Variants in RSRC1 observed in about 807,000 individuals in gnomAD.
The protein encoded by RSRC1 is arginine and serine rich coiled-coil 1.
Under a neutral mutation model 49.1 loss-of-function variants are expected in RSRC1, and 39 were observed. That is an observed-to-expected ratio of 0.79 (90% CI 0.61 to 1.04). RSRC1 has a LOEUF of 1.04. Ranked by LOEUF, RSRC1 falls within the 50% of genes least tolerant of loss-of-function variation. The probability of loss-of-function intolerance (pLI) is 0.00; values close to 1 mark genes in which losing one functional copy is unlikely to be tolerated. For synonymous variants in RSRC1, 143 were observed against 130.8 expected (o/e 1.09, Z -0.63); for missense variants, 388 against 402.4 (o/e 0.96, Z 0.31).
intron 7 of RSRC1, among the ~76,000 whole-genome samples, chr3:158,531,084 C>A (rs1712374021): frequency 6.7e-6 from 1 of 149,932 alleles, no homozygotes; most frequent in African/African-American, 2.5e-5. Flanking sequence ...TGTTTATTGA[C>A]TGCTTACTAG....
At chr3:158,538,319 G>A (rs1428345926) in intron 8 of RSRC1, among the ~76,000 whole-genome samples, 1 of 151,802 alleles carries the variant, frequency 6.6e-6, no homozygotes, top group Non-Finnish European at 1.5e-5. Context: ...TCCTTGCGTT[G>A]CCATTTTGTT....
At chr3:158,405,810 G>C (rs911850384) in intron 6 of RSRC1, among the ~76,000 whole-genome samples, 1 of 152,216 alleles carries the variant, frequency 6.6e-6, no homozygotes, top group Middle Eastern at 3.4e-3. Context: ...GCATTTGCTA[G>C]ATCGAGTAGC....
chr3:158,152,299 C>G (rs1455312059), intron 3 of RSRC1, among the ~76,000 whole-genome samples: 1 of 152,178 alleles, frequency 6.6e-6, no homozygotes, highest in East Asian at 1.9e-4. Context: ...GGTGACCAAC[C>G]ATCTTGGCTT....
chr3:158,302,525 G>A (rs1207793653), intron 5 of RSRC1, among the ~76,000 whole-genome samples: 1 of 148,824 alleles, frequency 6.7e-6, no homozygotes, highest in East Asian at 2.0e-4. Context: ...GGTTGAAGGA[G>A]TGGAGGTGGG....
At chr3:158,333,007 C>T (rs1192887977) in intron 5 of RSRC1, among the ~76,000 whole-genome samples, 5 of 141,020 alleles carry the variant, frequency 3.5e-5, no homozygotes, top group Admixed American at 7.6e-5. Flanking sequence ...CTCGCTCTTT[C>T]GCCCAGGCCG....
intron 5 of RSRC1, among the ~76,000 whole-genome samples, chr3:158,353,609 T>C (rs1448389132): frequency 2.0e-5 from 3 of 152,222 alleles, no homozygotes; most frequent in Non-Finnish European, 4.4e-5. Flanking sequence ...TTCCATCTTG[T>C]TTCCTATAGG....
intron 7 of RSRC1, chr3:158,497,053 T>C (rs1008255824): frequency 2.6e-4 from 39 of 152,262 alleles, no homozygotes; most frequent in African/African-American, 8.9e-4. Context: ...TTTTTAATTG[T>C]GGTAAAATAA....
intron 7 of RSRC1, among the ~76,000 whole-genome samples, chr3:158,475,743 TC>T (rs1243965968): frequency 1.4e-4 from 21 of 152,122 alleles, no homozygotes; most frequent in Middle Eastern, 3.4e-3. Flanking sequence ...TCTCTCTCTC[TC>T]TCCCTGGCCT....
rs1737523103 is a variant in RSRC1, at chr3:158,459,779, G to T, written c.584-1156G>T. Among the ~76,000 whole-genome samples, 3 of 151,990 alleles carry T rather than the reference G, an allele frequency of 2.0e-5. No homozygotes were observed. The South Asian group carries it at 6.2e-4, about 31-fold the overall frequency. On this transcript the variant is annotated intron_variant, in intron 6 of 9. Coordinates refer to ENST00000611884, the MANE Select transcript of RSRC1 (RefSeq NM_001271838.2). ...GCAGTCTAAGTATATATAAAAGCTT[G>T]TAAATGGAAACAGATGTCTGTGTAA...
At chr3:158,159,555 G>A (rs1718090441) in intron 3 of RSRC1, among the ~76,000 whole-genome samples, 2 of 152,070 alleles carry the variant, frequency 1.3e-5, no homozygotes, top group African/African-American at 4.8e-5. Flanking sequence ...TTCAAGCCCT[G>A]AAAACCCAAT....
intron 9 of RSRC1, 84 bp downstream of exon 9, chr3:158,543,571 C>G: frequency 7.4e-7 from 1 of 1,356,024 alleles, no homozygotes; most frequent in South Asian, 1.5e-5. Flanking sequence ...GTGCTAACAC[C>G]AAGGAGACCA....
At chr3:158,299,050 G>A (rs573197548) in intron 5 of RSRC1, among the ~76,000 whole-genome samples, 9 of 152,198 alleles carry the variant, frequency 5.9e-5, no homozygotes, top group East Asian at 1.9e-4. Flanking sequence ...CTAAAAATTA[G>A]AGATTAATTA....
chr3:158,542,268 C>T (rs1055117316), intron 8 of RSRC1, among the ~76,000 whole-genome samples: 9 of 152,110 alleles, frequency 5.9e-5, no homozygotes, highest in Admixed American at 5.2e-4. Flanking sequence ...CGGTGGCTCA[C>T]GCCTGTAATC....
intron 4 of RSRC1, among the ~76,000 whole-genome samples, chr3:158,236,078 T>G (rs1212792228): frequency 2.6e-5 from 4 of 151,432 alleles, no homozygotes; most frequent in African/African-American, 9.7e-5. Context: ...ATTGTGCCCT[T>G]GCACTCCAGC....
chr3:158,354,838 T>G lies in RSRC1; in HGVS notation c.532-19T>G. 1.3e-6 allele frequency: 2 copies of G among 1,538,112 alleles called. No individual in the cohort carries two copies. The highest frequency in any genetic ancestry group is 1.7e-6 in the Non-Finnish European group (2 of 1,143,810). ...GTAAAAGTCTTGTATGGTTGAATTT[T>G]TTTTTTTTTCTTTTTTAGCCACCAG... is the stretch of plus-strand genomic sequence containing the variant. On this transcript the variant is annotated intron_variant, in intron 5 of 9. Transcript: ENST00000611884.
At chr3:158,319,266 T>A (rs1245281566) in intron 5 of RSRC1, among the ~76,000 whole-genome samples, 2 of 152,068 alleles carry the variant, frequency 1.3e-5, no homozygotes, top group African/African-American at 4.8e-5. Flanking sequence ...TATCATGAAA[T>A]CGGATAGTTT....
chr3:158,471,099 G>C (rs1032667499), intron 7 of RSRC1, among the ~76,000 whole-genome samples: 7 of 152,202 alleles, frequency 4.6e-5, no homozygotes, highest in Non-Finnish European at 7.3e-5. Context: ...TGAAATGCTG[G>C]CCCTAGCCCC....
At chr3:158,401,250 C>G (rs1374829371) in intron 6 of RSRC1, among the ~76,000 whole-genome samples, 1 of 151,962 alleles carries the variant, frequency 6.6e-6, no homozygotes, top group Non-Finnish European at 1.5e-5. Context: ...GCAGAGATGT[C>G]TGATGATTCT....
chr3:158,475,589 A>T (rs776370713), intron 7 of RSRC1, among the ~76,000 whole-genome samples: 1 of 152,098 alleles, frequency 6.6e-6, no homozygotes, highest in Non-Finnish European at 1.5e-5. Flanking sequence ...TGTCATTGTG[A>T]TGACTGATCA....
Sources: allele counts gnomAD v4.1 joint callset (sites outside exome capture counted in the v4.1 genomes callset), GRCh38; gene constraint gnomAD v4.1.1; transcripts MANE v1.5; gene names NCBI Gene and HGNC (gene_info 2026-07-23, HGNC 2026-07-21).